The following ZNF583 variants were observed in gnomAD, a reference collection of about 807,000 sequenced individuals.
ZNF583 encodes zinc finger protein L3-5.
A neutral mutation model predicts 55.3 loss-of-function variants in ZNF583; 30 were observed. The ratio of observed to expected loss-of-function variants is 0.54; its 90% CI spans 0.41 to 0.74. The LOEUF is 0.74. ZNF583 is among the 30% of genes least tolerant of loss of function. The pLI, the probability that ZNF583 is intolerant of heterozygous loss-of-function variation, is 0.00. For missense variants in ZNF583, 504 were observed against 664.7 expected (o/e 0.76, Z 2.66); for synonymous variants, 208 against 220.0 (o/e 0.95, Z 0.48).
intron 2 of ZNF583, among the ~76,000 whole-genome samples, chr19:56,410,742 C>G (rs554936683): frequency 4.3e-4 from 65 of 151,858 alleles, no homozygotes; most frequent in African/African-American, 1.5e-3. Context: ...TAAGATTTAC[C>G]CAACTGAAAA....
Position 56,423,857 on chromosome 19 carries a change from G to C in ZNF583, c.1199G>C (p.Arg400Thr). ...SQYAHLAQHQ[R>T]VHTGEKPYEC... is the part of the protein sequence containing the mutation. The stretch of plus-strand genomic sequence containing the variant: ...TATGCACACCTTGCTCAACATCAGA[G>C]AGTTCATACTGGAGAAAAACCTTAT... The change falls in exon 5 of 5, where the codon AGA becomes ACA. Residue 400 changes from arginine to threonine, a missense_variant. Physicochemically the swap from Arg to Thr is moderately conservative, Grantham distance 71. Around this residue, in one of 3 missense-constraint regions of ZNF583, gnomAD observed 237 missense variants for 373.0 expected, o/e 0.64. Coordinates refer to ENST00000333201, the MANE Select transcript of ZNF583 (RefSeq NM_152478.3). The C allele has an allele frequency of 6.2e-7, 1 of 1,614,062 alleles. No homozygotes were observed. The highest frequency in any genetic ancestry group is 8.5e-7 in the Non-Finnish European group (1 of 1,179,978).
At position 56,425,345 on chromosome 19, in the gene ZNF583, G is replaced by T. The variant is rs1041309845; in HGVS notation, c.*977G>T. 1.3e-5 allele frequency: 2 copies of T among 152,294 alleles called. No homozygotes were observed. Among genetic ancestry groups the T allele is most frequent in the Non-Finnish European group, 2.9e-5 (2 of 68,188 alleles). 9.4% of individuals were successfully genotyped at this position (152,294 alleles called of 1,614,324 possible). On this transcript the variant is annotated 3_prime_UTR_variant, in exon 5 of 5. Transcript: ENST00000333201. ...CTGCCTCAGCCTCCTGAGTAGCTGG[G>T]ATTACAGGCCTGCACCACCACGCCC...
intron 1 of ZNF583, among the ~76,000 whole-genome samples, chr19:56,406,282 C>T (rs1215172409): frequency 6.6e-6 from 1 of 152,118 alleles, no homozygotes; most frequent in Non-Finnish European, 1.5e-5. Flanking sequence ...TATCTGTCAT[C>T]CTTGCAGAAA....
At chr19:56,414,551 C>A in intron 4 of ZNF583, 111 bp downstream of exon 4, 1 of 927,816 alleles carries the variant, frequency 1.1e-6, no homozygotes, top group Admixed American at 2.6e-5. Context: ...CTTAAAGACT[C>A]AAAGCCTGGG....
intron 2 of ZNF583, among the ~76,000 whole-genome samples, chr19:56,409,906 T>G (rs2042211491): frequency 6.6e-6 from 1 of 152,112 alleles, no homozygotes; most frequent in South Asian, 2.1e-4. Flanking sequence ...CCTTATTATT[T>G]TAGTAATTAT....
At position 56,427,240 on chromosome 19, in the gene ZNF583, T is replaced by TAA. The variant is rs1275359939; in HGVS notation, c.*2873_*2874dup. 6.6e-5 allele frequency: 10 copies of TAA among 152,158 alleles called. No homozygotes were observed. Among genetic ancestry groups the TAA allele is most frequent in the African/African-American group, 2.4e-4 (10 of 41,440 alleles). 9.4% of individuals were successfully genotyped at this position (152,158 alleles called of 1,614,324 possible). Reference sequence around the variant, plus strand: ...CCTCCTCACTCTCCCCTCTCTTGTATAAGTAAATTGAATGGGATCCTTATT... The same window carrying TAA: ...CCTCCTCACTCTCCCCTCTCTTGTATAAAAGTAAATTGAATGGGATCCTTATT... On this transcript the variant is annotated 3_prime_UTR_variant, in exon 5 of 5. Coordinates refer to ENST00000333201, the MANE Select transcript of ZNF583 (RefSeq NM_152478.3).
chr19:56,407,287 T>C (rs1600350482), intron 2 of ZNF583, among the ~76,000 whole-genome samples, 164 bp downstream of exon 2: 1 of 152,226 alleles, frequency 6.6e-6, no homozygotes, highest in East Asian at 1.9e-4. Context: ...AAAAGCCTAG[T>C]TATCTTTTTT....
chr19:56,408,199 A>G (rs887419677), intron 2 of ZNF583, among the ~76,000 whole-genome samples: 2 of 152,158 alleles, frequency 1.3e-5, no homozygotes, highest in Non-Finnish European at 2.9e-5. Flanking sequence ...GGTTAAATGC[A>G]TTGTATAGGT....
chr19:56,409,246 G>A (rs948994906), intron 2 of ZNF583, among the ~76,000 whole-genome samples: 21 of 152,188 alleles, frequency 1.4e-4, no homozygotes, highest in Non-Finnish European at 4.4e-5. Context: ...CTGACTCTTA[G>A]AATAGTGCCT....
At chr19:56,411,523 A>C (rs1366725426) in intron 2 of ZNF583, among the ~76,000 whole-genome samples, 1 of 152,256 alleles carries the variant, frequency 6.6e-6, no homozygotes, top group African/African-American at 2.4e-5. Flanking sequence ...CAAGGACTTC[A>C]TGTAGCAAAA....
chr19:56,418,463 A>G lies in ZNF583; in HGVS notation c.232+4023A>G, dbSNP rs571264067. Among the ~76,000 whole-genome samples, 50 of 152,210 alleles carry G rather than the reference A, an allele frequency of 3.3e-4. 1 individual carries two copies. Among genetic ancestry groups the G allele is most frequent in the South Asian group, 8.3e-4 (4 of 4,832 alleles). On this transcript the variant is annotated intron_variant, in intron 4 of 4. Transcript: ENST00000333201. ...ATCTTAAGAATATTTTGCAGTATCC[A>G]GTGTAGTGGTACTCTGTTAAATTTT...
intron 2 of ZNF583, among the ~76,000 whole-genome samples, chr19:56,407,946 CTTCAT>C (rs1467259657): frequency 6.6e-6 from 1 of 152,084 alleles, no homozygotes; most frequent in Non-Finnish European, 1.5e-5. Context: ...GAATGGAAAT[CTTCAT>C]TCACTGAACA....
At chr19:56,413,137 A>ATG (rs2042263607) in intron 2 of ZNF583, among the ~76,000 whole-genome samples, 1 of 152,246 alleles carries the variant, frequency 6.6e-6, no homozygotes, top group South Asian at 2.1e-4. Context: ...TGTAAAACAA[A>ATG]TGTTTAAAAT....
At chr19:56,421,368 T>C (rs1373968157) in intron 4 of ZNF583, 13 of 636,046 alleles carry the variant, frequency 2.0e-5, no homozygotes, top group Non-Finnish European at 2.3e-5. Flanking sequence ...TTGGCAGTCA[T>C]TTCATATTTC....
At chr19:56,414,861 CAAAA>C (rs35096926) in intron 4 of ZNF583, 243 of 64,270 alleles carry the variant, frequency 3.8e-3, no homozygotes, top group African/African-American at 0.01. Context: ...ACTAAAAATA[CAAAA>C]AAAAAAAAAA....
In ZNF583 at chr19:56,418,425, A is replaced by C. The variant is rs190799615; in HGVS notation, c.232+3985A>C. Among the ~76,000 whole-genome samples the C allele has an allele frequency of 6.6e-5, 10 of 152,238 alleles. No homozygotes were observed. In the East Asian group the frequency reaches 1.9e-3, roughly 29 times the overall value. ...CTCTGTCTGAAAAAGAAAAAGGAAA[A>C]ATAATAAAATTTATCTTAAGAATAT... On this transcript the variant is annotated intron_variant, in intron 4 of 4. Transcript: ENST00000333201.
intron 2 of ZNF583, among the ~76,000 whole-genome samples, chr19:56,407,650 G>A (rs193238544): frequency 1.1e-3 from 171 of 152,270 alleles, no homozygotes; most frequent in African/African-American, 3.7e-3. Context: ...CAGGCACTCC[G>A]TGGGCTTTGA....
intron 2 of ZNF583, among the ~76,000 whole-genome samples, chr19:56,409,765 A>G (rs921557767): frequency 6.6e-6 from 1 of 152,332 alleles, no homozygotes; most frequent in East Asian, 1.9e-4. Context: ...TGTTTATTAC[A>G]TATTTAATGT....
At chr19:56,422,641 T>C in intron 4 of ZNF583, among the ~76,000 whole-genome samples, 1 of 152,298 alleles carries the variant, frequency 6.6e-6, no homozygotes, top group Middle Eastern at 3.4e-3. Flanking sequence ...AACTTAGATA[T>C]AAAAAGATGA....
Sources: gnomAD v4.1 joint callset for allele counts (sites outside exome capture counted in the v4.1 genomes callset) on GRCh38, gnomAD v4.1.1 for gene constraint, gnomAD v4.1.1 regional missense constraint, MANE v1.5 for transcripts, NCBI Gene and HGNC (gene_info 2026-07-23, HGNC 2026-07-21) for gene names.